MYO1F: variants seen among roughly 807,000 people sequenced by gnomAD.
The protein encoded by MYO1F is myosin IF, also known as unconventional myosin-If.
MYO1F carries 60 observed loss-of-function variants against 146.6 expected under a neutral mutation model. The ratio of observed to expected loss-of-function variants is 0.41; its 90% CI spans 0.33 to 0.51. The LOEUF (loss-of-function observed/expected upper bound fraction) is 0.51, where lower values mean the gene tolerates loss of function less well. Ranked by LOEUF, MYO1F falls within the 20% of genes least tolerant of loss-of-function variation. The pLI is 0.25. For missense variants in MYO1F, 1,274 were observed against 1,534.3 expected (o/e 0.83, Z 2.83); for synonymous variants, 602 against 602.1 (o/e 1.00, Z 0.00).
chr19:8,537,392 T>C (rs2145857340), intron 16 of MYO1F, among the ~76,000 whole-genome samples: 1 of 152,290 alleles, frequency 6.6e-6, no homozygotes, highest in African/African-American at 2.4e-5. Flanking sequence ...GCATTTCTTT[T>C]TGTCCTTTGG....
chr19:8,547,971 C>A (rs771870221), intron 12 of MYO1F, 65 bp downstream of exon 12: 4 of 1,496,008 alleles, frequency 2.7e-6, no homozygotes, highest in Non-Finnish European at 3.7e-6. Context: ...GCTAAGGGAT[C>A]CTCATGGTCC....
At chr19:8,535,193 T>C (rs769422488) in intron 19 of MYO1F, among the ~76,000 whole-genome samples, 1 of 152,320 alleles carries the variant, frequency 6.6e-6, no homozygotes, top group Non-Finnish European at 1.5e-5. Context: ...ATTACAGGTG[T>C]GAGCCAGTGC....
At chr19:8,547,603 C>CA (rs146542478) in intron 12 of MYO1F, among the ~76,000 whole-genome samples, 3,387 of 114,164 alleles carry the variant, frequency 0.03, 71 homozygotes, top group Middle Eastern at 0.058. Flanking sequence ...GACTTTGTCT[C>CA]AAAAAAAAAA....
At chr19:8,575,108 G>A (rs1441188998) in intron 1 of MYO1F, among the ~76,000 whole-genome samples, 2 of 145,960 alleles carry the variant, frequency 1.4e-5, no homozygotes, top group Admixed American at 6.9e-5. Flanking sequence ...ACGGAGTCTG[G>A]CTCTGTCGCC....
intron 16 of MYO1F, among the ~76,000 whole-genome samples, chr19:8,538,896 T>C (rs981332106): frequency 1.4e-4 from 22 of 152,092 alleles, no homozygotes; most frequent in Non-Finnish European, 3.1e-4. Context: ...CAGTTTCAGT[T>C]TGGGAAGATG....
intron 12 of MYO1F, 75 bp from the exon 13 acceptor site, chr19:8,545,811 C>T: frequency 9.9e-7 from 1 of 1,005,924 alleles, no homozygotes; most frequent in Non-Finnish European, 1.6e-6. Flanking sequence ...GTCCTCTCCC[C>T]TTCTCCATCT....
At chr19:8,524,585 A>G (rs1319634706) in intron 25 of MYO1F, among the ~76,000 whole-genome samples, 2 of 135,882 alleles carry the variant, frequency 1.5e-5, no homozygotes, top group African/African-American at 2.7e-5. Flanking sequence ...ACTGTCTCAA[A>G]AAAAAAAAAA....
In MYO1F at chr19:8,553,868, T is replaced by TCACACACACACA. The variant is rs374157870; in HGVS notation, c.327-443_327-432dup. 3.8e-3 allele frequency among the ~76,000 whole-genome samples: 465 copies of TCACACACACACA among 121,544 alleles called. 4 individuals carry two copies. Among genetic ancestry groups the TCACACACACACA allele is most frequent in the Non-Finnish European group, 5.3e-3 (316 of 59,654 alleles). The allele number at this position is 121,544 out of a possible 152,430, so 79.7% of individuals were successfully genotyped here. The stretch of plus-strand genomic sequence containing the variant: ...GCCTGGGTGACAGACTGAGACTCTG[T>TCACACACACACA]CACACACACACACACACACACACAC... On this transcript the variant is annotated intron_variant, in intron 4 of 27. Transcript: ENST00000644032.
rs530651799 is a variant in MYO1F, at chr19:8,537,208, T to C, written c.1693-153A>G. On this transcript the variant is annotated intron_variant, in intron 16 of 27. Coordinates refer to ENST00000644032, the MANE Select transcript of MYO1F (RefSeq NM_012335.4). ...AGCCACAGGGGCCAGATGTCCCTGG[T>C]CTGTGTGCACCTCCACTAGTGCACA... Among the ~76,000 whole-genome samples, 170 of 152,086 alleles carry C rather than the reference T, an allele frequency of 1.1e-3. 4 individuals are homozygous for C. Among genetic ancestry groups the C allele is most frequent in the South Asian group, 1.0e-2 (48 of 4,814 alleles).
chr19:8,522,904 T>C, intron 25 of MYO1F, 75 bp from the exon 26 acceptor site: 1 of 1,337,528 alleles, frequency 7.5e-7, no homozygotes, highest in Non-Finnish European at 1.0e-6. Context: ...GGCTTCAAGT[T>C]CTCAGGCTGA....
rs756991685 is a variant in MYO1F, at chr19:8,544,360, C to T, written c.1461G>A (p.Val487=). The part of the protein sequence containing the change: ...QTLLQKLQAA[V]GTHEHFNSWS... Reference sequence around the variant, plus strand: ...AGCTGTTGAAATGCTCGTGGGTCCCCACAGCCGCCTGCAGCTTCTGCAGCA... The same window carrying T: ...AGCTGTTGAAATGCTCGTGGGTCCCTACAGCCGCCTGCAGCTTCTGCAGCA... The change falls in exon 14 of 28, where the codon GTG becomes GTA. Residue 487 remains valine, a synonymous_variant. Coordinates refer to ENST00000644032, the MANE Select transcript of MYO1F (RefSeq NM_012335.4). The T allele has an allele frequency of 3.7e-6, 6 of 1,613,068 alleles. No individual in the cohort carries two copies. The highest frequency in any genetic ancestry group is 5.1e-6 in the Non-Finnish European group (6 of 1,179,818).
intron 1 of MYO1F, among the ~76,000 whole-genome samples, chr19:8,567,848 G>A (rs2042034181): frequency 6.6e-6 from 1 of 152,206 alleles, no homozygotes; most frequent in Non-Finnish European, 1.5e-5. Context: ...GATGGGTCAT[G>A]TCTACAATTT....
At chr19:8,556,999 A>G (rs1432154961) in intron 1 of MYO1F, among the ~76,000 whole-genome samples, 3 of 150,644 alleles carry the variant, frequency 2.0e-5, no homozygotes, top group African/African-American at 7.3e-5. Context: ...GTAAAAGATC[A>G]GTGGGGCCAG....
At chr19:8,552,886 T>A (rs1451496089) in intron 6 of MYO1F, among the ~76,000 whole-genome samples, 1 of 152,178 alleles carries the variant, frequency 6.6e-6, no homozygotes, top group African/African-American at 2.4e-5. Context: ...CAATGTAGCA[T>A]GGCTGCAGCC....
intron 15 of MYO1F, among the ~76,000 whole-genome samples, chr19:8,541,109 G>A (rs1467176519): frequency 3.3e-5 from 5 of 151,892 alleles, no homozygotes; most frequent in Admixed American, 2.0e-4. Context: ...TCAGCCTCCC[G>A]AGTAGCTGGG....
At chr19:8,554,605 G>A (rs770438174) in intron 3 of MYO1F, 34 bp from the exon 4 acceptor site, 2 of 1,611,114 alleles carry the variant, frequency 1.2e-6, no homozygotes, top group Non-Finnish European at 1.7e-6. Flanking sequence ...GCCCAGGGCT[G>A]GGGGCCAGGA....
intron 21 of MYO1F, among the ~76,000 whole-genome samples, chr19:8,528,838 G>A (rs2967590): frequency 2.0e-5 from 3 of 151,936 alleles, no homozygotes; most frequent in South Asian, 2.1e-4. Flanking sequence ...GGAAGTGAGC[G>A]GGTGTGTATC....
intron 15 of MYO1F, among the ~76,000 whole-genome samples, chr19:8,541,423 G>A (rs868550429): frequency 1.6e-5 from 2 of 123,196 alleles, no homozygotes; most frequent in Non-Finnish European, 3.3e-5. Context: ...GTGTGTGTGT[G>A]TGTTTTTTTT....
chr19:8,549,810 T>G (rs1973526505), intron 10 of MYO1F: 2 of 326,466 alleles, frequency 6.1e-6, no homozygotes, highest in Admixed American at 9.1e-5. Context: ...TGGCCAAAAG[T>G]TTTTTTTAGA....
Sources: allele counts gnomAD v4.1 joint callset (sites outside exome capture counted in the v4.1 genomes callset), GRCh38; gene constraint gnomAD v4.1.1; transcripts MANE v1.5; gene names NCBI Gene and HGNC (gene_info 2026-07-23, HGNC 2026-07-21).